Variants in C8orf89 observed in about 807,000 individuals in gnomAD.
C8orf89 encodes chromosome 8 open reading frame 89, also known as putative uncharacterized protein C8orf89.
In C8orf89, 14 loss-of-function variants were observed where a neutral mutation model predicts 15.8. That is an observed-to-expected ratio of 0.89 (90% CI 0.59 to 1.39). The LOEUF is 1.39. Ranked by LOEUF, C8orf89 falls within the 40% of genes most tolerant of loss-of-function variation. The pLI, the probability that C8orf89 is intolerant of heterozygous loss-of-function variation, is 0.00. For missense variants in C8orf89, 181 were observed against 184.5 expected (o/e 0.98, Z 0.11); for synonymous variants, 55 against 62.2 (o/e 0.88, Z 0.54).
chr8:73,272,455 T>C, the C8orf89 span, among the ~76,000 whole-genome samples: 1 of 151,862 alleles, frequency 6.6e-6, no homozygotes, highest in Non-Finnish European at 1.5e-5. Context: ...TTTTTTAATA[T>C]ATATATATTT....
intron 3 of C8orf89, among the ~76,000 whole-genome samples, chr8:73,244,300 G>A (rs897286269): frequency 6.6e-6 from 1 of 151,902 alleles, no homozygotes; most frequent in African/African-American, 2.4e-5. Flanking sequence ...ATAGTCATCT[G>A]TACTATCTCG....
chr8:73,285,006 T>C, the C8orf89 span, among the ~76,000 whole-genome samples: 5,175 of 152,340 alleles, frequency 0.034, 130 homozygotes, highest in Non-Finnish European at 0.054. Flanking sequence ...AAATAATTTC[T>C]AGAATGTTTA....
chr8:73,241,409 A>G lies in C8orf89; in HGVS notation c.*48T>C. The G allele has an allele frequency of 7.5e-7, 1 of 1,327,838 alleles. No homozygotes were observed. The highest frequency in any genetic ancestry group is 9.7e-7 in the Non-Finnish European group (1 of 1,035,574). The allele number at this position is 1,327,838 out of a possible 1,614,324, so 82.3% of individuals were successfully genotyped here. ...ATCATATCATATAAAAAAAGAAAAT[A>G]TAAAGCTTAAAAGTCACTGAAGAAA... On this transcript the variant is annotated 3_prime_UTR_variant, in exon 4 of 4. Coordinates refer to ENST00000624510, the MANE Select transcript of C8orf89 (RefSeq NM_001243237.3).
At chr8:73,244,262 T>A (rs76376987) in intron 3 of C8orf89, among the ~76,000 whole-genome samples, 2,764 of 152,296 alleles carry the variant, frequency 0.018, 97 homozygotes, top group African/African-American at 0.063. Flanking sequence ...ACTTTACATC[T>A]ATTTTATCCA....
chr8:73,284,759 CA>C, the C8orf89 span, among the ~76,000 whole-genome samples: 1 of 152,148 alleles, frequency 6.6e-6, no homozygotes, highest in Non-Finnish European at 1.5e-5. Flanking sequence ...AAGGAAATGT[CA>C]GAGTATTTCT....
At chr8:73,260,025 T>A (rs1813494094), upstream of C8orf89, among the ~76,000 whole-genome samples, 1 of 152,220 alleles carries the variant, frequency 6.6e-6, no homozygotes, top group African/African-American at 2.4e-5. Context: ...TTTTCCAGGA[T>A]CCTTGCTGGG....
chr8:73,245,071 G>A (rs971868393), intron 3 of C8orf89, among the ~76,000 whole-genome samples: 1 of 152,178 alleles, frequency 6.6e-6, no homozygotes, highest in Non-Finnish European at 1.5e-5. Context: ...AGGCAGATAA[G>A]AGAGAATGAG....
chr8:73,241,395 T>TA lies in C8orf89; in HGVS notation c.*61dup. ...ATAAATCATTTTGCATCATATCATATAAAAAAAGAAAATATAAAGCTTAAA... is the reference window on the plus strand; with the variant it reads ...ATAAATCATTTTGCATCATATCATATAAAAAAAAGAAAATATAAAGCTTAAA... On this transcript the variant is annotated 3_prime_UTR_variant, in exon 4 of 4. Transcript: ENST00000624510. 2.3e-6 allele frequency: 3 copies of TA among 1,286,540 alleles called. No individual in the cohort carries two copies. The highest frequency in any genetic ancestry group is 3.4e-5 in the Admixed American group (1 of 29,660). The allele number at this position is 1,286,540 out of a possible 1,614,324, so 79.7% of individuals were successfully genotyped here. A position where few individuals can be genotyped will look rare whatever the true frequency, so the allele number is the denominator to read the frequency against.
Position 73,241,516 on chromosome 8 carries a change from G to T in C8orf89, c.427C>A (p.Arg143Ser), listed in dbSNP as rs778719670. The change falls in exon 4 of 4, where the codon CGT (arginine) becomes AGT (serine). Residue 143 changes from arginine to serine, a missense_variant. Coordinates refer to ENST00000624510, the MANE Select transcript of C8orf89 (RefSeq NM_001243237.3). The part of the protein sequence containing the change: ...KIAILEYDTI[R>S]QETTTKSKKS... Reference sequence around the variant, plus strand: ...TTTGATTTTGTGGTTGTTTCCTGACGAATGGTATCATATTCCAATATGGCT... The same window carrying T: ...TTTGATTTTGTGGTTGTTTCCTGACTAATGGTATCATATTCCAATATGGCT... 3 of 1,531,752 alleles carry T rather than the reference G, an allele frequency of 2.0e-6. 1 individual carries two copies. Among genetic ancestry groups the T allele is most frequent in the Non-Finnish European group, 2.6e-6 (3 of 1,144,464 alleles). 94.9% of individuals were successfully genotyped at this position (1,531,752 alleles called of 1,614,324 possible).
At chr8:73,248,781 C>A (rs539447948) in intron 3 of C8orf89, among the ~76,000 whole-genome samples, 1 of 152,230 alleles carries the variant, frequency 6.6e-6, no homozygotes, top group East Asian at 1.9e-4. Flanking sequence ...AATTTTTGCA[C>A]GTTGATTTTG....
At chr8:73,241,706 A>T (rs1013688659) in intron 3 of C8orf89, 101 bp from the exon 4 acceptor site, 1 of 950,166 alleles carries the variant, frequency 1.1e-6, no homozygotes, top group African/African-American at 1.6e-5. Flanking sequence ...TCCACAAATG[A>T]CTATTACACA....
chr8:73,257,147 A>G, intron 1 of C8orf89, 21 bp from the exon 2 acceptor site: 1 of 1,471,890 alleles, frequency 6.8e-7, no homozygotes, highest in Non-Finnish European at 9.1e-7. Flanking sequence ...ATATATAAGA[A>G]TCATCTTGAT....
chr8:73,274,425 A>G, the C8orf89 span, among the ~76,000 whole-genome samples: 1 of 152,158 alleles, frequency 6.6e-6, no homozygotes, highest in African/African-American at 2.4e-5. Flanking sequence ...TGCTGGGATT[A>G]CAAGTGTGAG....
the C8orf89 span, among the ~76,000 whole-genome samples, chr8:73,276,951 T>C: frequency 6.6e-6 from 1 of 151,756 alleles, no homozygotes; most frequent in Non-Finnish European, 1.5e-5. Context: ...GGACTACAGG[T>C]GCACGCCACC....
the C8orf89 span, among the ~76,000 whole-genome samples, chr8:73,272,604 C>A: frequency 8.6e-5 from 13 of 151,936 alleles, no homozygotes; most frequent in South Asian, 2.7e-3. Context: ...TCCCTCCCCC[C>A]TCTCCCCACC....
intron 1 of C8orf89, among the ~76,000 whole-genome samples, chr8:73,258,032 CT>C (rs1813439525): frequency 6.6e-6 from 1 of 151,932 alleles, no homozygotes; most frequent in Non-Finnish European, 1.5e-5. Flanking sequence ...TAATGGAAAC[CT>C]GGTAAGAAAG....
the C8orf89 span, among the ~76,000 whole-genome samples, chr8:73,270,387 A>G: frequency 4.0e-3 from 610 of 152,370 alleles, 5 homozygotes; most frequent in African/African-American, 0.014. Flanking sequence ...AAATTAACAG[A>G]ATGGTTCAAC....
chr8:73,277,629 CTT>C, the C8orf89 span: 4 of 760,832 alleles, frequency 5.3e-6, no homozygotes, highest in Non-Finnish European at 7.4e-6. Context: ...GACCATAGAA[CTT>C]TTTCTTTTCA....
At chr8:73,271,593 G>A in the C8orf89 span, among the ~76,000 whole-genome samples, 1 of 152,176 alleles carries the variant, frequency 6.6e-6, no homozygotes, top group East Asian at 1.9e-4. Flanking sequence ...GCAGAGACAT[G>A]AGTGAAATAA....
Sources: allele counts gnomAD v4.1 joint callset (sites outside exome capture counted in the v4.1 genomes callset), GRCh38; gene constraint gnomAD v4.1.1; transcripts MANE v1.5; gene names NCBI Gene and HGNC (gene_info 2026-07-23, HGNC 2026-07-21).